The following DCX variants were observed in gnomAD, a reference collection of about 807,000 sequenced individuals.
The protein encoded by DCX is doublecortin, also known as neuronal migration protein doublecortin.
Under a neutral mutation model 20.9 loss-of-function variants are expected in DCX, and 4 were observed. The observed-to-expected ratio is 0.19, with a 90% CI of 0.09 to 0.44. The LOEUF is 0.44. Ranked by LOEUF, DCX falls within the 20% of genes least tolerant of loss-of-function variation. The pLI is 0.99. For synonymous variants in DCX, 103 were observed against 111.4 expected, an observed-to-expected ratio of 0.92 and a Z score of 0.47; for missense variants, 133 against 296.9, an observed-to-expected ratio of 0.45 and a Z score of 4.06.
intron 6 of DCX, among the ~76,000 whole-genome samples, chrX:111,304,818 A>C (rs1302337229): frequency 8.9e-6 from 1 of 112,016 alleles, no homozygotes; most frequent in East Asian, 2.8e-4. Flanking sequence ...TGAAAAGCTC[A>C]GACATATTCC....
intron 3 of DCX, among the ~76,000 whole-genome samples, chrX:111,358,369 C>T (rs1312858034): frequency 3.6e-5 from 4 of 111,497 alleles, no homozygotes; most frequent in Non-Finnish European, 5.6e-5. Flanking sequence ...AGATGACCAA[C>T]GTGATAAAAG....
chrX:111,340,487 T>TC (rs745766489), intron 3 of DCX, among the ~76,000 whole-genome samples: 8 of 111,626 alleles, frequency 7.2e-5, no homozygotes, highest in African/African-American at 2.3e-4. Context: ...GAGTGGGTTT[T>TC]CCCCCAGTGA....
At chrX:111,344,218 A>G (rs770667810) in intron 3 of DCX, among the ~76,000 whole-genome samples, 7 of 112,308 alleles carry the variant, frequency 6.2e-5, no homozygotes, top group South Asian at 7.4e-4. Context: ...TCAATAAACT[A>G]GGTATTGATG....
intron 6 of DCX, among the ~76,000 whole-genome samples, chrX:111,310,849 A>G (rs997095895): frequency 1.8e-5 from 2 of 112,417 alleles, no homozygotes; most frequent in Non-Finnish European, 3.7e-5. Flanking sequence ...CAGGAAAAAT[A>G]GTTTAACAAT....
intron 3 of DCX, among the ~76,000 whole-genome samples, chrX:111,335,065 C>T (rs1310064252): frequency 2.7e-5 from 3 of 111,758 alleles, no homozygotes; most frequent in Non-Finnish European, 5.6e-5. Context: ...CACCAAATAT[C>T]TCTGAACTAT....
Position 111,363,733 on chromosome X carries a change from T to C in DCX, c.706-30580A>G, listed in dbSNP as rs142574038. Among the ~76,000 whole-genome samples the C allele has an allele frequency of 4.7e-3, 520 of 111,690 alleles. 6 individuals are homozygous for C. The highest frequency in any genetic ancestry group is 0.016 in the African/African-American group (479 of 30,745). ...TTATACATTTTCCTTGTCACATCTT[T>C]TTTCAGTTTATGCCCAAGGTGGGGA... On this transcript the variant is annotated intron_variant, in intron 3 of 6. Coordinates refer to ENST00000636035, the MANE Select transcript of DCX (RefSeq NM_001195553.2).
Position 111,368,176 on chromosome X carries a change from T to A in DCX, c.705+32814A>T, listed in dbSNP as rs761764155. Reference sequence around the variant, plus strand: ...AGCCTTGCAATTTATGCCCCAATTGTGCCATACCACCTTCTGAAATTACAG... The same window carrying A: ...AGCCTTGCAATTTATGCCCCAATTGAGCCATACCACCTTCTGAAATTACAG... On this transcript the variant is annotated intron_variant, in intron 3 of 6. Transcript: ENST00000636035. Among the ~76,000 whole-genome samples, 3 of 111,412 alleles carry A rather than the reference T, an allele frequency of 2.7e-5. No homozygotes were observed. In the East Asian group the frequency reaches 8.6e-4, roughly 32 times the overall value.
At chrX:111,367,893 T>C (rs1211995632) in intron 3 of DCX, among the ~76,000 whole-genome samples, 1 of 111,405 alleles carries the variant, frequency 9.0e-6, no homozygotes, top group South Asian at 3.8e-4. Context: ...GGGCCCTTTT[T>C]CCCCCAAGTT....
At chrX:111,316,521 C>T (rs2095072666) in intron 5 of DCX, among the ~76,000 whole-genome samples, 1 of 111,591 alleles carries the variant, frequency 9.0e-6, no homozygotes, top group Non-Finnish European at 1.9e-5. Context: ...TGAGCCACTT[C>T]GCCTGGCCCC....
Position 111,383,480 on chromosome X carries a change from C to T in DCX, c.705+17510G>A, listed in dbSNP as rs771410279. Among the ~76,000 whole-genome samples the T allele has an allele frequency of 1.7e-3, 194 of 111,607 alleles. 1 individual carries two copies. The highest frequency in any genetic ancestry group is 5.7e-3 in the African/African-American group (174 of 30,796). ...CTACTAGTATAATTTATTGACAGAG[C>T]GGATGCTTTGCCTGGTTACCAATTA... On this transcript the variant is annotated intron_variant, in intron 3 of 6. Transcript: ENST00000636035.
chrX:111,328,478 A>G (rs2095104803), intron 5 of DCX, among the ~76,000 whole-genome samples: 1 of 111,836 alleles, frequency 8.9e-6, no homozygotes, highest in Non-Finnish European at 1.9e-5. Context: ...GTGCTGGGTA[A>G]CCAATTGGAT....
At chrX:111,304,155 A>G (rs1339983815) in intron 6 of DCX, among the ~76,000 whole-genome samples, 1 of 112,176 alleles carries the variant, frequency 8.9e-6, no homozygotes. Context: ...CATACAATGG[A>G]GTTGCATCTC....
intron 2 of DCX, among the ~76,000 whole-genome samples, chrX:111,401,941 T>C (rs966025629): frequency 8.9e-6 from 1 of 112,508 alleles, no homozygotes; most frequent in Non-Finnish European, 1.9e-5. Flanking sequence ...TGTGTGCATA[T>C]GTTGAATGTT....
At chrX:111,376,370 A>C (rs935047308) in intron 3 of DCX, among the ~76,000 whole-genome samples, 26 of 111,736 alleles carry the variant, frequency 2.3e-4, no homozygotes, top group Non-Finnish European at 1.9e-5. Flanking sequence ...TCTTTGCTGT[A>C]TGAAAATGAG....
intron 3 of DCX, among the ~76,000 whole-genome samples, chrX:111,387,918 G>A (rs1926647935): frequency 9.0e-6 from 1 of 111,636 alleles, no homozygotes; most frequent in Non-Finnish European, 1.9e-5. Flanking sequence ...TGGTGCAATA[G>A]AAAGTGTGCA....
chrX:111,377,709 A>G (rs896037962), intron 3 of DCX, among the ~76,000 whole-genome samples: 1 of 110,848 alleles, frequency 9.0e-6, no homozygotes, highest in Non-Finnish European at 1.9e-5. Flanking sequence ...TTTTTTGACA[A>G]TGGAACACAT....
At chrX:111,374,965 T>C (rs2147716764) in intron 3 of DCX, among the ~76,000 whole-genome samples, 1 of 103,820 alleles carries the variant, frequency 9.6e-6, no homozygotes, top group Admixed American at 1.1e-4. Flanking sequence ...ATGAAACAAC[T>C]TAGACCTCAA....
chrX:111,357,201 A>T (rs920091186), intron 3 of DCX, among the ~76,000 whole-genome samples: 1 of 111,924 alleles, frequency 8.9e-6, no homozygotes, highest in African/African-American at 3.3e-5. Context: ...ATAGCATGAC[A>T]TAGTGCAAAG....
intron 3 of DCX, among the ~76,000 whole-genome samples, chrX:111,347,089 C>A (rs1415422641): frequency 1.8e-5 from 2 of 110,705 alleles, no homozygotes; most frequent in Admixed American, 9.6e-5. Flanking sequence ...AGTTAAAGTA[C>A]AAAAAAACAC....
Sources: gnomAD v4.1 joint callset for allele counts (sites outside exome capture counted in the v4.1 genomes callset) on GRCh38, gnomAD v4.1.1 for gene constraint, MANE v1.5 for transcripts, NCBI Gene and HGNC (gene_info 2026-07-23, HGNC 2026-07-21) for gene names.